The following NRIP1 variants were observed in gnomAD, a reference collection of about 807,000 sequenced individuals.
NRIP1 encodes the protein nuclear receptor-interacting protein 1.
In NRIP1, 28 loss-of-function variants were observed where a neutral mutation model predicts 75.0. The observed-to-expected ratio is 0.37, with a 90% CI of 0.28 to 0.51. NRIP1 has a LOEUF of 0.51. Ranked by LOEUF, NRIP1 falls within the 20% of genes least tolerant of loss-of-function variation. The pLI, the probability that NRIP1 is intolerant of heterozygous loss-of-function variation, is 0.92. For synonymous variants in NRIP1, 526 were observed against 487.6 expected (o/e 1.08, Z -1.04); for missense variants, 1,435 against 1,343.7 (o/e 1.07, Z -1.06).
chr21:14,990,821 A>G (rs1357870176), intron 3 of NRIP1, among the ~76,000 whole-genome samples: 1 of 152,192 alleles, frequency 6.6e-6, no homozygotes, highest in Non-Finnish European at 1.5e-5. Flanking sequence ...TATCATTTCT[A>G]GCATCATATG....
intron 2 of NRIP1, among the ~76,000 whole-genome samples, chr21:15,032,509 C>G (rs1335330301): frequency 1.3e-5 from 2 of 149,258 alleles, no homozygotes; most frequent in Non-Finnish European, 3.0e-5. Flanking sequence ...AAAAAAAAAA[C>G]CGTTCGAAGT....
chr21:14,966,072 A>G lies in NRIP1; in HGVS notation c.2121T>C (p.Leu707=). 6.2e-7 allele frequency: 1 copy of G among 1,612,440 alleles called. No individual in the cohort carries two copies. The highest frequency in any genetic ancestry group is 8.5e-7 in the Non-Finnish European group (1 of 1,179,956). Residue 707 remains leucine, a synonymous_variant, in exon 4 of 4, where the codon CTT becomes CTC. Transcript: ENST00000318948. ...GLSGSEIENL[L]ERRTVLQLLL... is the part of the protein sequence containing the mutation. Reference sequence around the variant, plus strand: ...GCAACTGGAGGACAGTACGTCTTTCAAGCAGATTTTCTATTTCAGAACCAG... The same window carrying G: ...GCAACTGGAGGACAGTACGTCTTTCGAGCAGATTTTCTATTTCAGAACCAG...
rs926393187 is a variant in NRIP1, at chr21:14,961,295, A to G, written c.*3421T>C. 2.6e-5 allele frequency: 4 copies of G among 152,386 alleles called. No individual in the cohort carries two copies. Among genetic ancestry groups the G allele is most frequent in the Non-Finnish European group, 5.9e-5 (4 of 67,924 alleles). The allele number at this position is 152,386 out of a possible 1,614,324, so 9.4% of individuals were successfully genotyped here. On this transcript the variant is annotated 3_prime_UTR_variant, in exon 4 of 4. Coordinates refer to ENST00000318948, the MANE Select transcript of NRIP1 (RefSeq NM_003489.4). Reference sequence around the variant, plus strand: ...GCAGGAAGTAAACACTAAAAGATTAAAAAACAAAACAAAAAAATTCACACT... The same window carrying G: ...GCAGGAAGTAAACACTAAAAGATTAGAAAACAAAACAAAAAAATTCACACT...
intron 3 of NRIP1, among the ~76,000 whole-genome samples, chr21:14,989,008 G>T (rs1600838897): frequency 6.6e-6 from 1 of 152,270 alleles, no homozygotes; most frequent in East Asian, 1.9e-4. Context: ...TTCAGGAGGG[G>T]CAAAGTACTC....
At chr21:15,065,364 G>A (rs1333619434), upstream of NRIP1, among the ~76,000 whole-genome samples, 1 of 151,638 alleles carries the variant, frequency 6.6e-6, no homozygotes, top group Non-Finnish European at 1.5e-5. Context: ...GCTCTGTCCA[G>A]CCGCCCGCGA....
chr21:15,002,232 G>C (rs534244114), intron 3 of NRIP1: 238 of 152,286 alleles, frequency 1.6e-3, no homozygotes, highest in African/African-American at 5.2e-3. Flanking sequence ...TAATCAATTT[G>C]TTCTGCAGAC....
intron 3 of NRIP1, among the ~76,000 whole-genome samples, chr21:15,014,130 T>C (rs1372069688): frequency 6.6e-6 from 1 of 152,254 alleles, no homozygotes; most frequent in Non-Finnish European, 1.5e-5. Context: ...ACATTATTTA[T>C]CTACATTTAT....
chr21:15,065,259 T>C (rs1012838123), upstream of NRIP1, among the ~76,000 whole-genome samples: 10 of 151,748 alleles, frequency 6.6e-5, no homozygotes, highest in Non-Finnish European at 1.5e-4. Context: ...TCTCCGGGTG[T>C]CCCAGACGGG....
chr21:15,007,615 T>C (rs1468038127), intron 3 of NRIP1, among the ~76,000 whole-genome samples: 2 of 152,166 alleles, frequency 1.3e-5, no homozygotes, highest in African/African-American at 4.8e-5. Flanking sequence ...TCATTAAGTA[T>C]TAGGTAAGGG....
chr21:15,012,240 T>A (rs772817884), intron 3 of NRIP1, among the ~76,000 whole-genome samples: 1 of 151,974 alleles, frequency 6.6e-6, no homozygotes, highest in Non-Finnish European at 1.5e-5. Flanking sequence ...TGACCCAACA[T>A]CTCCCAAGCT....
chr21:14,995,293 T>C (rs2087691115), intron 3 of NRIP1, among the ~76,000 whole-genome samples: 1 of 152,196 alleles, frequency 6.6e-6, no homozygotes, highest in African/African-American at 2.4e-5. Flanking sequence ...AGTTTCTTCA[T>C]TTACAAAAGA....
In NRIP1 at chr21:14,962,709, C is replaced by T. The variant is rs1280728998; in HGVS notation, c.*2007G>A. On this transcript the variant is annotated 3_prime_UTR_variant, in exon 4 of 4. Coordinates refer to ENST00000318948, the MANE Select transcript of NRIP1 (RefSeq NM_003489.4). ...ATTTTATGTCAGAATAAGCCTATGC[C>T]TTCACTTCTCCATGATGTTGCATAA... The T allele has an allele frequency of 6.6e-6, 1 of 152,410 alleles. No homozygotes were observed. The highest frequency in any genetic ancestry group is 1.5e-5 in the Non-Finnish European group (1 of 67,924). 9.4% of individuals were successfully genotyped at this position (152,410 alleles called of 1,614,324 possible). A position where few individuals can be genotyped will look rare whatever the true frequency, so the allele number is the denominator to read the frequency against.
At chr21:15,040,466 T>C (rs1010350884) in intron 2 of NRIP1, among the ~76,000 whole-genome samples, 13 of 152,200 alleles carry the variant, frequency 8.5e-5, no homozygotes, top group Non-Finnish European at 1.6e-4. Flanking sequence ...ATGAATAATA[T>C]CAATTTTAAT....
At chr21:15,049,632 TACA>T (rs1473594831) in intron 1 of NRIP1, among the ~76,000 whole-genome samples, 4 of 152,090 alleles carry the variant, frequency 2.6e-5, no homozygotes, top group African/African-American at 9.7e-5. Flanking sequence ...TCAGGTTTAA[TACA>T]ACATCACCAA....
intron 2 of NRIP1, among the ~76,000 whole-genome samples, chr21:15,018,881 C>A (rs1005823071): frequency 6.6e-6 from 1 of 151,882 alleles, no homozygotes; most frequent in South Asian, 2.1e-4. Flanking sequence ...AAGTGGTGAG[C>A]GCAAACATTC....
intron 3 of NRIP1, among the ~76,000 whole-genome samples, chr21:15,007,210 A>C (rs536948149): frequency 1.4e-4 from 22 of 152,308 alleles, no homozygotes; most frequent in African/African-American, 5.1e-4. Flanking sequence ...AGAAAAACAA[A>C]ACCAGAAGCT....
chr21:15,065,742 CA>C (rs1978833255), upstream of NRIP1: 3 of 152,402 alleles, frequency 2.0e-5, no homozygotes, highest in Non-Finnish European at 4.4e-5. Context: ...GCGCCCCGCT[CA>C]GCTCCCTGGA....
intron 3 of NRIP1, among the ~76,000 whole-genome samples, chr21:14,995,766 C>T (rs916378512): frequency 1.7e-4 from 25 of 149,466 alleles, no homozygotes; most frequent in Middle Eastern, 3.4e-3. Context: ...GCTGTGTGTG[C>T]GTGTGTGTGT....
intron 3 of NRIP1, among the ~76,000 whole-genome samples, chr21:14,982,518 A>G: frequency 6.6e-6 from 1 of 152,172 alleles, no homozygotes; most frequent in East Asian, 1.9e-4. Flanking sequence ...TGTAAGTCTC[A>G]GCTGACAACT....
Sources: allele counts gnomAD v4.1 joint callset (sites outside exome capture counted in the v4.1 genomes callset), GRCh38; gene constraint gnomAD v4.1.1; transcripts MANE v1.5; gene names NCBI Gene and HGNC (gene_info 2026-07-23, HGNC 2026-07-21).